RABGEF1: variants seen among roughly 807,000 people sequenced by gnomAD.
The protein encoded by RABGEF1 is rab5 GDP/GTP exchange factor.
RABGEF1 carries 26 observed loss-of-function variants against 57.3 expected under a neutral mutation model. The ratio of observed to expected loss-of-function variants is 0.45; its 90% confidence interval spans 0.33 to 0.63. The LOEUF is 0.63. Among genes scored for constraint, RABGEF1 ranks in the 20% least tolerant of loss-of-function variants. The pLI, the probability that RABGEF1 is intolerant of heterozygous loss-of-function variation, is 0.02. For missense variants in RABGEF1, 464 were observed against 607.6 expected (o/e 0.76, Z 2.48); for synonymous variants, 185 against 210.7 (o/e 0.88, Z 1.06).
intron 1 of RABGEF1, among the ~76,000 whole-genome samples, chr7:66,695,310 T>TG (rs1448770669): frequency 1.0e-4 from 15 of 150,420 alleles, no homozygotes; most frequent in African/African-American, 3.4e-4. Context: ...AGACCCTGTC[T>TG]CAAAAAAAAA....
At chr7:66,737,077 A>AGAGAGG (rs1798059422), upstream of RABGEF1, among the ~76,000 whole-genome samples, 1 of 130,804 alleles carries the variant, frequency 7.6e-6, no homozygotes, top group Non-Finnish European at 1.6e-5. Flanking sequence ...AGAGAGTGAG[A>AGAGAGG]GAGAGAGAGC....
intron 1 of RABGEF1, among the ~76,000 whole-genome samples, chr7:66,768,492 C>T (rs1274334940): frequency 6.6e-6 from 1 of 152,184 alleles, no homozygotes; most frequent in Non-Finnish European, 1.5e-5. Context: ...CATTCTGTAG[C>T]TTGTCTTTTT....
the RABGEF1 span, among the ~76,000 whole-genome samples, chr7:66,655,400 T>C: frequency 1.3e-5 from 2 of 152,288 alleles, no homozygotes; most frequent in East Asian, 3.9e-4. Flanking sequence ...AAATGTGTCG[T>C]GGGCGCCCGT....
intron 6 of RABGEF1, among the ~76,000 whole-genome samples, chr7:66,798,354 T>A (rs1786498234): frequency 6.6e-6 from 1 of 151,656 alleles, no homozygotes; most frequent in African/African-American, 2.4e-5. Context: ...ATGAGGTGTT[T>A]TAAGGGGAGA....
the RABGEF1 span, among the ~76,000 whole-genome samples, chr7:66,660,456 A>G: frequency 6.6e-6 from 1 of 152,220 alleles, no homozygotes; most frequent in Non-Finnish European, 1.5e-5. Flanking sequence ...CAGCAAATTG[A>G]ATAACCAAAT....
At chr7:66,687,483 CAAA>C (rs67647811) in intron 1 of RABGEF1, among the ~76,000 whole-genome samples, 199 of 120,792 alleles carry the variant, frequency 1.6e-3, no homozygotes, top group Middle Eastern at 4.0e-3. Context: ...TTGTTTAAGC[CAAA>C]AAAAAAAAAA....
intron 2 of RABGEF1, among the ~76,000 whole-genome samples, chr7:66,716,289 T>A (rs898282489): frequency 5.3e-5 from 8 of 152,172 alleles, no homozygotes; most frequent in Admixed American, 1.3e-4. Flanking sequence ...TTTAAACTTA[T>A]AATCTACCTA....
chr7:66,719,140 G>A (rs1014912134), intron 2 of RABGEF1, among the ~76,000 whole-genome samples: 1 of 152,198 alleles, frequency 6.6e-6, no homozygotes, highest in Non-Finnish European at 1.5e-5. Flanking sequence ...TAGAAGCTGG[G>A]ACAGTAGGGA....
chr7:66,690,570 C>T (rs1035523904), intron 1 of RABGEF1, among the ~76,000 whole-genome samples: 1 of 150,384 alleles, frequency 6.6e-6, no homozygotes, highest in African/African-American at 2.4e-5. Flanking sequence ...CAAAAATTAG[C>T]TGGGTGTGGT....
chr7:66,720,777 A>G (rs1317164892), intron 2 of RABGEF1, among the ~76,000 whole-genome samples: 1 of 152,220 alleles, frequency 6.6e-6, no homozygotes, highest in Admixed American at 6.5e-5. Flanking sequence ...TGCAGACAAC[A>G]TGATCATCTG....
At chr7:66,774,728 C>G (rs988308317) in intron 2 of RABGEF1, among the ~76,000 whole-genome samples, 1 of 152,106 alleles carries the variant, frequency 6.6e-6, no homozygotes, top group African/African-American at 2.4e-5. Flanking sequence ...CTATTACACT[C>G]CAGCCTGGGC....
intron 1 of RABGEF1, among the ~76,000 whole-genome samples, chr7:66,710,826 C>G (rs1178818317): frequency 1.3e-5 from 2 of 151,984 alleles, no homozygotes; most frequent in Non-Finnish European, 1.5e-5. Flanking sequence ...TGGGGCTGAG[C>G]ACAGTGGTTC....
At chr7:66,783,534 C>A in intron 3 of RABGEF1, 141 bp from the exon 4 acceptor site, 1 of 811,412 alleles carries the variant, frequency 1.2e-6, no homozygotes, top group Non-Finnish European at 1.8e-6. Flanking sequence ...AGTTGTCCAA[C>A]CATTCAAACA....
intron 1 of RABGEF1, among the ~76,000 whole-genome samples, chr7:66,765,291 C>A: frequency 6.6e-6 from 1 of 152,086 alleles, no homozygotes; most frequent in South Asian, 2.1e-4. Flanking sequence ...TCTGTGATTT[C>A]ATGGTCCACA....
chr7:66,706,728 TCTAATTTAC>T lies in RABGEF1; in HGVS notation c.-872-5436_-872-5428del, dbSNP rs1156964946. On this transcript the variant is annotated intron_variant and NMD_transcript_variant, in intron 1 of 9. Coordinates refer to the RABGEF1 transcript ENST00000607882. The stretch of plus-strand genomic sequence containing the variant: ...CGCGCCTAGCTGACTCAAAATATTT[TCTAATTTAC>T]CTTATGATTTTTCTAATTTACCTTC... 4.0e-5 allele frequency among the ~76,000 whole-genome samples: 6 copies of T among 150,348 alleles called. 1 individual carries two copies. The highest frequency in any genetic ancestry group is 3.2e-3 in the Middle Eastern group (1 of 312).
At chr7:66,693,088 C>T (rs753190723) in intron 1 of RABGEF1, among the ~76,000 whole-genome samples, 4 of 152,170 alleles carry the variant, frequency 2.6e-5, no homozygotes, top group Admixed American at 1.3e-4. Flanking sequence ...AAAGGCACGT[C>T]GTTCTAGAAG....
intron 1 of RABGEF1, among the ~76,000 whole-genome samples, chr7:66,704,825 A>T (rs1205393825): frequency 6.6e-6 from 1 of 152,190 alleles, no homozygotes; most frequent in East Asian, 1.9e-4. Flanking sequence ...AAAAAAAAAA[A>T]AGTTTAAATA....
chr7:66,809,247 T>C lies in RABGEF1; in HGVS notation c.1439T>C (p.Leu480Pro). 1 of 1,611,664 alleles carries C rather than the reference T, an allele frequency of 6.2e-7. No homozygotes were observed. Among genetic ancestry groups the C allele is most frequent in the Non-Finnish European group, 8.5e-7 (1 of 1,178,236 alleles). ...IDSENVENDK[L>P]PPPLQPQVYA... ...TCTGAAAACGTTGAAAATGATAAAC[T>C]TCCTCCACCACTGCAACCTCAAGTT... Residue 480 changes from leucine to proline, a missense_variant, in exon 9 of 9, where the codon CTT becomes CCT. Leu to Pro is a moderately conservative substitution (Grantham distance 98). Around this residue, in one of 4 missense-constraint regions of RABGEF1, gnomAD observed 151 missense variants for 152.2 expected, o/e 0.99. Transcript: ENST00000284957.
intron 1 of RABGEF1, among the ~76,000 whole-genome samples, chr7:66,698,108 C>T (rs78950023): frequency 2.0e-5 from 3 of 151,878 alleles, no homozygotes; most frequent in Admixed American, 6.6e-5. Context: ...CGCACCCCCC[C>T]CACCCTCAGA....
Sources: allele counts gnomAD v4.1 joint callset (sites outside exome capture counted in the v4.1 genomes callset), GRCh38; gene constraint gnomAD v4.1.1; regional missense constraint gnomAD v4.1.1; transcripts MANE v1.5; gene names NCBI Gene and HGNC (gene_info 2026-07-23, HGNC 2026-07-21).